The following GALNT11 variants were observed in gnomAD, a reference collection of about 807,000 sequenced individuals.
The protein encoded by GALNT11 is UDP-GalNAc:polypeptide N-acetylgalactosaminyltransferase 11.
In GALNT11, 47 loss-of-function variants were observed where a neutral mutation model predicts 72.7. That is an observed-to-expected ratio of 0.65 (90% CI 0.51 to 0.82). GALNT11 has a LOEUF of 0.82. GALNT11 is among the 40% of genes least tolerant of loss of function. The pLI, the probability that GALNT11 is intolerant of heterozygous loss-of-function variation, is 0.00. For synonymous variants in GALNT11, 270 were observed against 286.6 expected (o/e 0.94, Z 0.58); for missense variants, 677 against 778.4 (o/e 0.87, Z 1.55).
chr7:152,080,177 A>G (rs1229909235), intron 1 of GALNT11, among the ~76,000 whole-genome samples: 1 of 152,174 alleles, frequency 6.6e-6, no homozygotes, highest in Non-Finnish European at 1.5e-5. Flanking sequence ...TTATTCTCAT[A>G]TTTTTGACAA....
chr7:152,108,008 T>C (rs1367627489), intron 5 of GALNT11, 30 bp from the exon 6 acceptor site: 2 of 1,582,886 alleles, frequency 1.3e-6, no homozygotes, highest in East Asian at 4.5e-5. Context: ...GTTGTGACAC[T>C]CTCCTGAGCC....
rs370112474 is a variant in GALNT11 at position 152,100,881 on chromosome 7, T to C, written c.379T>C (p.Leu127=). The change falls in exon 3 of 12, where the codon TTG becomes CTG. Residue 127 remains leucine, a synonymous_variant. Transcript: ENST00000430044. The part of the protein sequence containing the change: ...HAFNMLISDR[L]GYHRDVPDTR... ...TTTTAATATGCTTATCAGTGACCGC[T>C]TGGGCTACCACAGAGATGTGCCAGA... The C allele has an allele frequency of 1.9e-6, 3 of 1,614,008 alleles. No homozygotes were observed. In the African/African-American group the frequency reaches 4.0e-5, roughly 22 times the overall value.
At chr7:152,121,480 T>C (rs1260944595) in intron 11 of GALNT11, 66 bp from the exon 12 acceptor site, 9 of 1,562,674 alleles carry the variant, frequency 5.8e-6, no homozygotes, top group Non-Finnish European at 6.1e-6. Context: ...GTGCTCCATC[T>C]CTCCTCTGGA....
At chr7:152,118,219 A>G (rs1159078281) in intron 9 of GALNT11, 2 of 178,174 alleles carry the variant, frequency 1.1e-5, no homozygotes, top group African/African-American at 4.8e-5. Flanking sequence ...ATCGCTTACC[A>G]TTATTATTTC....
intron 1 of GALNT11, among the ~76,000 whole-genome samples, chr7:152,077,011 G>A (rs1371487284): frequency 1.3e-5 from 2 of 152,226 alleles, no homozygotes; most frequent in African/African-American, 4.8e-5. Context: ...GATCGCTTGA[G>A]CCCAGGAGTT....
At chr7:152,045,195 G>A (rs542845344) in intron 1 of GALNT11, among the ~76,000 whole-genome samples, 1 of 151,946 alleles carries the variant, frequency 6.6e-6, no homozygotes, top group Non-Finnish European at 1.5e-5. Context: ...CTAGTATTTT[G>A]TTGAGGATTT....
chr7:152,086,667 G>A (rs903611393), intron 1 of GALNT11, among the ~76,000 whole-genome samples: 2 of 152,184 alleles, frequency 1.3e-5, no homozygotes, highest in Non-Finnish European at 2.9e-5. Flanking sequence ...TCTTTGAGCA[G>A]AAAACTTTTT....
At chr7:152,093,298 T>C (rs1178859151) in intron 1 of GALNT11, among the ~76,000 whole-genome samples, 1 of 152,102 alleles carries the variant, frequency 6.6e-6, no homozygotes, top group African/African-American at 2.4e-5. Flanking sequence ...CTTCTTGCCT[T>C]GTTTTATAGG....
Position 152,094,026 on chromosome 7 carries a change from C to G in GALNT11, c.-38-164C>G, listed in dbSNP as rs1288672626. 7.6e-6 allele frequency: 4 copies of G among 526,906 alleles called. No homozygotes were observed. The highest frequency in any genetic ancestry group is 3.3e-5 in the East Asian group (1 of 30,256). The allele number at this position is 526,906 out of a possible 1,614,324, so 32.6% of individuals were successfully genotyped here. A position where few individuals can be genotyped will look rare whatever the true frequency, so the allele number is the denominator to read the frequency against. On this transcript the variant is annotated intron_variant, in intron 1 of 11. Transcript: ENST00000430044. This position sits in a 1 kb window ranked among gnomAD's most constrained non-coding sequence, Gnocchi z 4.3. ...AGGCCTGAGGTTTTCATTGTTGAAC[C>G]CTTTTTAAAAACTCAGTACTATCCA...
At chr7:152,031,345 G>A (rs574137248) in intron 1 of GALNT11, among the ~76,000 whole-genome samples, 10 of 152,224 alleles carry the variant, frequency 6.6e-5, no homozygotes, top group African/African-American at 2.4e-4. Flanking sequence ...TGGCAGTCAT[G>A]CTCGATTGGT....
At chr7:152,113,144 C>T (rs2088425723) in intron 7 of GALNT11, 102 bp from the exon 8 acceptor site, 1 of 1,270,520 alleles carries the variant, frequency 7.9e-7, no homozygotes, top group Non-Finnish European at 1.1e-6. Context: ...TGCCAAGTTT[C>T]ATAAACACCT....
Position 152,094,106 on chromosome 7 carries a change from G to C in GALNT11, c.-38-84G>C. ...ACTGTACGCATAGTGGTCCTACTTG[G>C]TGGTTTGGAAAACAGTGATTCTGTA... is the stretch of plus-strand genomic sequence containing the variant. On this transcript the variant is annotated intron_variant, in intron 1 of 11. Coordinates refer to ENST00000430044, the MANE Select transcript of GALNT11 (RefSeq NM_022087.4). The surrounding 1 kb of genome is among the most constrained non-coding windows in gnomAD (Gnocchi z 4.3). The C allele has an allele frequency of 1.3e-5, 14 of 1,111,512 alleles. No individual in the cohort carries two copies. Among genetic ancestry groups the C allele is most frequent in the Non-Finnish European group, 1.8e-5 (14 of 772,782 alleles). The allele number at this position is 1,111,512 out of a possible 1,614,324, so 68.9% of individuals were successfully genotyped here. A position where few individuals can be genotyped will look rare whatever the true frequency, so the allele number is the denominator to read the frequency against.
chr7:152,078,774 A>G (rs578008446), intron 1 of GALNT11, among the ~76,000 whole-genome samples: 3 of 152,276 alleles, frequency 2.0e-5, no homozygotes, highest in Admixed American at 2.0e-4. Context: ...AAAATAATTT[A>G]TGTGCTAGAG....
intron 7 of GALNT11, among the ~76,000 whole-genome samples, chr7:152,110,999 T>C (rs1324921873): frequency 1.3e-5 from 2 of 151,710 alleles, no homozygotes; most frequent in East Asian, 2.0e-4. Context: ...TCCATGACTA[T>C]CTTTATTGAC....
intron 7 of GALNT11, among the ~76,000 whole-genome samples, chr7:152,111,237 T>G (rs895836366): frequency 2.6e-5 from 4 of 152,062 alleles, no homozygotes; most frequent in Non-Finnish European, 4.4e-5. Context: ...ACTGCAGCCT[T>G]GAACTCCTGG....
Position 152,072,329 on chromosome 7 carries a change from A to G in GALNT11, c.-38-21861A>G, listed in dbSNP as rs1024778690. Among the ~76,000 whole-genome samples, 25 of 152,050 alleles carry G rather than the reference A, an allele frequency of 1.6e-4. No homozygotes were observed. The East Asian group carries it at 2.1e-3, about 13-fold the overall frequency. ...GACTCCGTCTCAAAAAAAAAAAAAAAAAAGAAAAAAGAAATTCTAATGTGT... is the reference window on the plus strand; with the variant it reads ...GACTCCGTCTCAAAAAAAAAAAAAAGAAAGAAAAAAGAAATTCTAATGTGT... On this transcript the variant is annotated intron_variant, in intron 1 of 11. Transcript: ENST00000430044.
chr7:152,044,954 G>A (rs954845201), intron 1 of GALNT11, among the ~76,000 whole-genome samples: 3 of 151,840 alleles, frequency 2.0e-5, no homozygotes, highest in African/African-American at 4.8e-5. Flanking sequence ...ATTGAGGTAT[G>A]TTCCTTCTAT....
At chr7:152,061,868 G>A (rs1446885475) in intron 1 of GALNT11, among the ~76,000 whole-genome samples, 1 of 152,144 alleles carries the variant, frequency 6.6e-6, no homozygotes, top group Admixed American at 6.5e-5. Flanking sequence ...TGCTGTTTTG[G>A]TTACTGTAGG....
intron 1 of GALNT11, among the ~76,000 whole-genome samples, chr7:152,072,839 A>G (rs1223449372): frequency 6.6e-6 from 1 of 152,092 alleles, no homozygotes; most frequent in Non-Finnish European, 1.5e-5. Context: ...TGTCTTTTTT[A>G]CTTTGTGTGT....
Sources: allele counts gnomAD v4.1 joint callset (sites outside exome capture counted in the v4.1 genomes callset), GRCh38; gene constraint gnomAD v4.1.1; non-coding constraint Gnocchi (gnomAD v3.1); transcripts MANE v1.5; gene names NCBI Gene and HGNC (gene_info 2026-07-23, HGNC 2026-07-21).